SF3A1: variants seen among roughly 807,000 people sequenced by gnomAD.
SF3A1 encodes splicing factor 3a subunit 1.
In SF3A1, 13 loss-of-function variants were observed where a neutral mutation model predicts 89.9. That is an observed-to-expected ratio of 0.14 (90% CI 0.09 to 0.23). SF3A1 has a LOEUF of 0.23. Ranked by LOEUF, SF3A1 falls within the 10% of genes least tolerant of loss-of-function variation. The pLI, the probability that SF3A1 is intolerant of heterozygous loss-of-function variation, is 1.00. For synonymous variants in SF3A1, 405 were observed against 374.4 expected (o/e 1.08, Z -0.94); for missense variants, 604 against 1,022.1 (o/e 0.59, Z 5.58).
intron 1 of SF3A1, among the ~76,000 whole-genome samples, chr22:30,353,352 G>C (rs4820008): frequency 0.88 from 133,231 of 152,226 alleles, 58,668 homozygotes; most frequent in African/African-American, 0.97. Context: ...TATGAGACCA[G>C]CACTTCTCCT....
chr22:30,345,035 G>A lies in SF3A1; in HGVS notation c.549C>T (p.Thr183=), dbSNP rs1379083237. 1.2e-6 allele frequency: 2 copies of A among 1,614,174 alleles called. No homozygotes were observed. The highest frequency in any genetic ancestry group is 2.2e-5 in the South Asian group (2 of 91,082). The change falls in exon 4 of 16, where the codon ACC becomes ACT. Residue 183 remains threonine (T), a synonymous_variant. Transcript: ENST00000215793. ...FVARNGRQFL[T]QLMQKEQRNY... The stretch of plus-strand genomic sequence containing the variant: ...TGCGCTGCTCTTTCTGCATCAGCTG[G>A]GTCAGAAACTGGCGCCCATTCCTGG...
intron 15 of SF3A1, 131 bp downstream of exon 15, chr22:30,335,336 T>A: frequency 1.2e-6 from 1 of 803,672 alleles, no homozygotes; most frequent in East Asian, 2.4e-5. Flanking sequence ...CATCATGACT[T>A]CTAGGATGGA....
intron 6 of SF3A1, 61 bp from the exon 7 acceptor site, chr22:30,341,946 T>C (rs1931272178): frequency 6.6e-7 from 1 of 1,519,218 alleles, no homozygotes; most frequent in Admixed American, 1.8e-5. Context: ...TTGCCCTGTC[T>C]GAGCTCCCCA....
At chr22:30,350,838 A>G (rs2060285559) in intron 2 of SF3A1, among the ~76,000 whole-genome samples, 1 of 152,222 alleles carries the variant, frequency 6.6e-6, no homozygotes, top group South Asian at 2.1e-4. Context: ...CACTGCTAAG[A>G]GCCATTAAAC....
rs781286332 is a variant in SF3A1, at chr22:30,339,166, C to T, written c.1461G>A (p.Lys487=). The T allele has an allele frequency of 6.2e-7, 1 of 1,614,218 alleles. No homozygotes were observed. The highest frequency in any genetic ancestry group is 1.1e-5 in the South Asian group (1 of 91,090). ...GCTTCTGGATCTCCTCCTCACCGAT[C>T]TTCTTACCAATGGCTGTTTCCTCTA... ...FGVEETAIGK[K]IGEEEIQKPE... The change falls in exon 10 of 16, where the codon AAG becomes AAA. Residue 487 remains lysine (K), a synonymous_variant. Coordinates refer to ENST00000215793, the MANE Select transcript of SF3A1 (RefSeq NM_005877.6).
chr22:30,348,377 G>A (rs916381068), intron 2 of SF3A1, among the ~76,000 whole-genome samples: 7 of 152,142 alleles, frequency 4.6e-5, no homozygotes, highest in Admixed American at 2.0e-4. Context: ...GCACAGTGGC[G>A]CACACTTGTA....
At chr22:30,335,937 TTTC>T (rs1167598178) in intron 13 of SF3A1, among the ~76,000 whole-genome samples, 184 bp from the exon 14 acceptor site, 2 of 152,206 alleles carry the variant, frequency 1.3e-5, no homozygotes, top group Non-Finnish European at 2.9e-5. Context: ...CAAGATTAGG[TTTC>T]TTTTCTTTAA....
chr22:30,337,882 G>A lies in SF3A1; in HGVS notation c.1759C>T (p.Arg587Cys), dbSNP rs267606220. 5.6e-6 allele frequency: 9 copies of A among 1,605,344 alleles called. No homozygotes were observed. Among genetic ancestry groups the A allele is most frequent in the Non-Finnish European group, 6.8e-6 (8 of 1,176,704 alleles). Reference protein sequence around the residue: ...PRPPTMPPPVRTTVVSAVPVM... With the variant: ...PRPPTMPPPVCTTVVSAVPVM... ...GGTACTGCGGAGACAACTGTAGTAC[G>A]AACTGGAGGTGGCATCTGTGCAGGA... Residue 587 changes from arginine to cysteine, a missense_variant, in exon 12 of 16, where the codon CGT becomes TGT. By Grantham distance (180) the Arg-to-Cys change is radical. Around this residue, in one of 9 missense-constraint regions of SF3A1, gnomAD observed 85 missense variants for 137.3 expected, o/e 0.62. Transcript: ENST00000215793.
At chr22:30,336,629 A>G (rs1483250449) in intron 13 of SF3A1, among the ~76,000 whole-genome samples, 1 of 152,024 alleles carries the variant, frequency 6.6e-6, no homozygotes, top group East Asian at 1.9e-4. Context: ...CAACAGGCAG[A>G]CCTCCTAAGG....
intron 12 of SF3A1, 80 bp from the exon 13 acceptor site, chr22:30,337,260 A>AGC: frequency 7.6e-7 from 1 of 1,322,598 alleles, no homozygotes; most frequent in Non-Finnish European, 1.0e-6. Flanking sequence ...TTGAGAGGGA[A>AGC]GGTTGCAAAG....
Position 30,334,710 on chromosome 22 carries a change from G to A in SF3A1, c.2281-15C>T. 1 of 1,582,202 alleles carries A rather than the reference G, an allele frequency of 6.3e-7. No homozygotes were observed. Among genetic ancestry groups the A allele is most frequent in the Admixed American group, 1.8e-5 (1 of 56,464 alleles). On this transcript the variant is annotated splice_polypyrimidine_tract_variant and intron_variant, in intron 15 of 15. Transcript: ENST00000215793. ...ATGAAGATACCCTGGAAAACAGACA[G>A]CGTGCCTTAGCATGGGGCAACCCAG...
intron 3 of SF3A1, 43 bp downstream of exon 3, chr22:30,346,269 C>T: frequency 2.3e-6 from 3 of 1,329,912 alleles, no homozygotes; most frequent in Non-Finnish European, 3.2e-6. Context: ...CCCTGTTTCC[C>T]TCTCAAGCCC....
chr22:30,351,614 C>A (rs1363700822), intron 2 of SF3A1, among the ~76,000 whole-genome samples: 1 of 152,182 alleles, frequency 6.6e-6, no homozygotes, highest in African/African-American at 2.4e-5. Flanking sequence ...GATCCTCTTG[C>A]CTCAGCCTCC....
Position 30,337,021 on chromosome 22 carries a change from C to G in SF3A1, c.2106+5G>C. 6.2e-7 allele frequency: 1 copy of G among 1,614,160 alleles called. No individual in the cohort carries two copies. ...AAACTTCAGCAGCATTCTGGGATTACATACCTTGTTTCTGCGCAGGAACTC... is the reference window on the plus strand; with the variant it reads ...AAACTTCAGCAGCATTCTGGGATTAGATACCTTGTTTCTGCGCAGGAACTC... On this transcript the variant is annotated splice_donor_5th_base_variant and intron_variant, in intron 13 of 15. Transcript: ENST00000215793.
At chr22:30,355,539 T>C (rs2145828247) in intron 1 of SF3A1, among the ~76,000 whole-genome samples, 1 of 152,296 alleles carries the variant, frequency 6.6e-6, no homozygotes, top group African/African-American at 2.4e-5. Flanking sequence ...AACACAAATG[T>C]CACTATTTGG....
Position 30,340,400 on chromosome 22 carries a change from T to C in SF3A1, c.1190-19A>G, listed in dbSNP as rs1369393812. On this transcript the variant is annotated intron_variant, in intron 8 of 15. Transcript: ENST00000215793. Reference sequence around the variant, plus strand: ...TTGGAGGCTAAAAGGAAACAGATGTTTCAGTAAGAACACTGGTGGGCAGCC... The same window carrying C: ...TTGGAGGCTAAAAGGAAACAGATGTCTCAGTAAGAACACTGGTGGGCAGCC... The C allele has an allele frequency of 3.7e-6, 6 of 1,609,990 alleles. No homozygotes were observed. In the African/African-American group the frequency reaches 6.7e-5, roughly 18 times the overall value.
At position 30,356,745 on chromosome 22, in the gene SF3A1, G is replaced by A. The variant is rs1210593318; in HGVS notation, c.48C>T (p.Pro16=). The change falls in exon 1 of 16, where the codon CCC becomes CCT. Residue 16 remains proline, a synonymous_variant. Coordinates refer to ENST00000215793, the MANE Select transcript of SF3A1 (RefSeq NM_005877.6). Reference sequence around the variant, plus strand: ...GGAGAGGTACCTGTTTGGGCTCCGTGGGCACGGGCGGCGGCGGGGGCACCG... The same window carrying A: ...GGAGAGGTACCTGTTTGGGCTCCGTAGGCACGGGCGGCGGCGGGGGCACCG... The part of the protein sequence containing the change: ...VQAVPPPPPV[P]TEPKQPTEEE... 1.3e-6 allele frequency: 2 copies of A among 1,494,688 alleles called. No homozygotes were observed. Among genetic ancestry groups the A allele is most frequent in the South Asian group, 1.3e-5 (1 of 76,588 alleles). The allele number at this position is 1,494,688 out of a possible 1,614,324, so 92.6% of individuals were successfully genotyped here.
rs1466198079 is a variant in SF3A1, at chr22:30,337,907, A to G, written c.1744-10T>C. 3 of 1,589,280 alleles carry G rather than the reference A, an allele frequency of 1.9e-6. No homozygotes were observed. Among genetic ancestry groups the G allele is most frequent in the Non-Finnish European group, 2.6e-6 (3 of 1,166,812 alleles). On this transcript the variant is annotated splice_polypyrimidine_tract_variant and intron_variant, in intron 11 of 15. Coordinates refer to ENST00000215793, the MANE Select transcript of SF3A1 (RefSeq NM_005877.6). ...GAACTGGAGGTGGCATCTGTGCAGG[A>G]AAGAGACCCACAGATTACAGGAAGC...
chr22:30,336,304 G>A (rs1485032538), intron 13 of SF3A1, among the ~76,000 whole-genome samples: 1 of 152,096 alleles, frequency 6.6e-6, no homozygotes, highest in Non-Finnish European at 1.5e-5. Flanking sequence ...GATCACTTAC[G>A]GCCAGGAGTT....
Sources: allele counts gnomAD v4.1 joint callset (sites outside exome capture counted in the v4.1 genomes callset), GRCh38; gene constraint gnomAD v4.1.1; regional missense constraint gnomAD v4.1.1; transcripts MANE v1.5; gene names NCBI Gene and HGNC (gene_info 2026-07-23, HGNC 2026-07-21).